The following UNC5B variants were observed in gnomAD, a reference collection of about 807,000 sequenced individuals.
UNC5B encodes the protein unc-5 netrin receptor B, also known as netrin receptor UNC5B.
In UNC5B, 56 loss-of-function variants were observed where a neutral mutation model predicts 103.7. That is an observed-to-expected ratio of 0.54 (90% CI 0.44 to 0.67). UNC5B has a LOEUF of 0.67. Ranked by LOEUF, UNC5B falls within the 30% of genes least tolerant of loss-of-function variation. UNC5B has a pLI of 0.00. For synonymous variants in UNC5B, 577 were observed against 542.0 expected, an observed-to-expected ratio of 1.06 and a Z score of -0.90; for missense variants, 1,194 against 1,284.5, an observed-to-expected ratio of 0.93 and a Z score of 1.08.
rs1337421727 is a variant in UNC5B, at chr10:71,285,347, A to T, written c.470A>T (p.Gln157Leu). 2.5e-6 allele frequency: 4 copies of T among 1,611,274 alleles called. No individual in the cohort carries two copies. In the East Asian group the frequency reaches 8.9e-5, roughly 36 times the overall value. The stretch of plus-strand genomic sequence containing the variant: ...CCAGACCTGCGCAAGAACTTCGATC[A>T]GGAGCCTCTGGGCAAGGAGGTGCCC... The part of the protein sequence containing the change: ...RIAYLRKNFD[Q>L]EPLGKEVPLD... Residue 157 changes from glutamine (Q) to leucine (L), a missense_variant, in exon 4 of 17, where the codon CAG (glutamine) becomes CTG (leucine). Transcript: ENST00000335350.
At chr10:71,259,352 C>T (rs575715113) in intron 1 of UNC5B, among the ~76,000 whole-genome samples, 1 of 148,960 alleles carries the variant, frequency 6.7e-6, no homozygotes, top group Admixed American at 6.7e-5. Context: ...TGCCACTGCC[C>T]TATAGCCTGG....
intron 6 of UNC5B, 75 bp downstream of exon 6, chr10:71,287,840 C>T: frequency 6.5e-7 from 1 of 1,534,656 alleles, no homozygotes; most frequent in Non-Finnish European, 8.7e-7. Context: ...AGAGCCGGGA[C>T]AGCCATTCTC....
At chr10:71,288,003 C>T (rs1201127745) in intron 6 of UNC5B, among the ~76,000 whole-genome samples, 1 of 152,222 alleles carries the variant, frequency 6.6e-6, no homozygotes, top group Admixed American at 6.5e-5. Context: ...CTCCCTGACC[C>T]TCTAGCCTGG....
At chr10:71,266,969 G>A (rs112992609) in intron 1 of UNC5B, among the ~76,000 whole-genome samples, 4 of 152,050 alleles carry the variant, frequency 2.6e-5, no homozygotes, top group African/African-American at 4.8e-5. Context: ...TACACCATCC[G>A]TCACTTAGTC....
intron 1 of UNC5B, among the ~76,000 whole-genome samples, chr10:71,245,614 C>G: frequency 6.6e-6 from 1 of 152,188 alleles, no homozygotes. Context: ...TCCCTGGTAG[C>G]CAGCATGGCC....
Position 71,285,009 on chromosome 10 carries a change from C to T in UNC5B, c.448+146C>T, listed in dbSNP as rs1845034247. 5 of 1,246,908 alleles carry T rather than the reference C, an allele frequency of 4.0e-6. No homozygotes were observed. The East Asian group carries it at 1.2e-4, about 31-fold the overall frequency. 77.2% of individuals were successfully genotyped at this position (1,246,908 alleles called of 1,614,324 possible). On this transcript the variant is annotated intron_variant, in intron 3 of 16. Transcript: ENST00000335350. ...GCAGAGACATCCCAGCACATGGATG[C>T]CAGCTCAGAGAGGGCTCCTAGACCC...
chr10:71,290,185 A>G (rs926888729), intron 8 of UNC5B, among the ~76,000 whole-genome samples: 1 of 152,358 alleles, frequency 6.6e-6, no homozygotes, highest in East Asian at 1.9e-4. Flanking sequence ...TAGTGGCTGC[A>G]TACGGGACAG....
At chr10:71,251,687 A>G (rs143967532) in intron 1 of UNC5B, among the ~76,000 whole-genome samples, 3 of 152,246 alleles carry the variant, frequency 2.0e-5, no homozygotes, top group African/African-American at 4.8e-5. Flanking sequence ...GCAAAGACCC[A>G]GAAGGGGTCT....
intron 13 of UNC5B, among the ~76,000 whole-genome samples, chr10:71,294,431 C>T (rs1029936936): frequency 7.9e-5 from 12 of 152,138 alleles, no homozygotes; most frequent in Non-Finnish European, 5.9e-5. Flanking sequence ...GGAATCCATC[C>T]GGCAGGAAGG....
intron 1 of UNC5B, among the ~76,000 whole-genome samples, chr10:71,224,685 A>G (rs1235854225): frequency 6.6e-6 from 1 of 152,026 alleles, no homozygotes; most frequent in Non-Finnish European, 1.5e-5. Flanking sequence ...CTGGGCCCCC[A>G]ATTGGTTGTG....
At chr10:71,286,613 G>C (rs1157673251) in intron 4 of UNC5B, 76 bp from the exon 5 acceptor site, 4 of 1,572,458 alleles carry the variant, frequency 2.5e-6, no homozygotes, top group Middle Eastern at 1.7e-4. Context: ...CGTGGACCCA[G>C]GTAGAACTGC....
intron 1 of UNC5B, among the ~76,000 whole-genome samples, chr10:71,246,043 G>A (rs1376502536): frequency 8.5e-5 from 13 of 152,060 alleles, no homozygotes; most frequent in African/African-American, 2.4e-4. Context: ...AGGTGGGGGC[G>A]GCCCCGAGAG....
At chr10:71,224,381 A>ATG (rs1564705445) in intron 1 of UNC5B, among the ~76,000 whole-genome samples, 2 of 150,344 alleles carry the variant, frequency 1.3e-5, no homozygotes, top group African/African-American at 5.0e-5. Context: ...ACACACACAC[A>ATG]CACACACACA....
chr10:71,290,262 C>CT (rs2132309339), intron 8 of UNC5B, among the ~76,000 whole-genome samples: 1 of 152,302 alleles, frequency 6.6e-6, no homozygotes, highest in Admixed American at 6.5e-5. Flanking sequence ...GACCCTGCCA[C>CT]TTTGACCTTG....
intron 1 of UNC5B, among the ~76,000 whole-genome samples, chr10:71,238,316 C>G (rs1449215250): frequency 6.6e-6 from 1 of 152,106 alleles, no homozygotes; most frequent in Non-Finnish European, 1.5e-5. Context: ...TGCCCAGGGC[C>G]CACTTCTCCA....
chr10:71,297,127 G>A (rs750752558), intron 15 of UNC5B, among the ~76,000 whole-genome samples: 3 of 152,162 alleles, frequency 2.0e-5, no homozygotes, highest in Non-Finnish European at 4.4e-5. Context: ...TTGGGGCTGG[G>A]CTGCAGCACA....
In UNC5B at chr10:71,215,690, T is replaced by C. The variant is rs114484636; in HGVS notation, c.79+2626T>C. ...CCACCTTTCAGCCCTTCCTGGAGCT[T>C]TTAATGAGCCTTTCCATGGCCTCTG... On this transcript the variant is annotated intron_variant, in intron 1 of 16. Transcript: ENST00000335350. 6.4e-3 allele frequency among the ~76,000 whole-genome samples: 982 copies of C among 152,252 alleles called. 13 individuals are homozygous for C. Among genetic ancestry groups the C allele is most frequent in the African/African-American group, 0.022 (907 of 41,534 alleles).
rs536947542 is a variant in UNC5B, at chr10:71,262,214, G to A, written c.80-17607G>A. Reference sequence around the variant, plus strand: ...TTTGGCTTGGAGGTGGCTCCTGTTCGTTCTAACCAGGCTGTAATTACGGCT... The same window carrying A: ...TTTGGCTTGGAGGTGGCTCCTGTTCATTCTAACCAGGCTGTAATTACGGCT... On this transcript the variant is annotated intron_variant, in intron 1 of 16. Transcript: ENST00000335350. Among the ~76,000 whole-genome samples, 25 of 152,230 alleles carry A rather than the reference G, an allele frequency of 1.6e-4. No individual in the cohort carries two copies. In the South Asian group the frequency reaches 4.4e-3, roughly 27 times the overall value.
At chr10:71,265,309 T>C (rs1844498961) in intron 1 of UNC5B, among the ~76,000 whole-genome samples, 1 of 152,114 alleles carries the variant, frequency 6.6e-6, no homozygotes. Context: ...GGGTGAAGCT[T>C]CCCCTCTAGG....
Sources: allele counts gnomAD v4.1 joint callset (sites outside exome capture counted in the v4.1 genomes callset), GRCh38; gene constraint gnomAD v4.1.1; transcripts MANE v1.5; gene names NCBI Gene and HGNC (gene_info 2026-07-23, HGNC 2026-07-21).